The following PSG9 variants were observed in gnomAD, a reference collection of about 807,000 sequenced individuals.
The protein encoded by PSG9 is pregnancy-specific beta-1-glycoprotein 9.
In PSG9, 49 loss-of-function variants were observed where a neutral mutation model predicts 41.9. That is an observed-to-expected ratio of 1.17 (90% CI 0.93 to 1.48). PSG9 has a LOEUF of 1.48. PSG9 is among the 40% of genes most tolerant of loss of function. The probability of loss-of-function intolerance (pLI) is 0.00; values close to 1 mark genes in which losing one functional copy is unlikely to be tolerated. For synonymous variants in PSG9, 263 were observed against 196.8 expected (o/e 1.34, Z -2.82); for missense variants, 641 against 520.3 (o/e 1.23, Z -2.26).
chr19:43,266,151 T>G (rs1968956262), intron 2 of PSG9, among the ~76,000 whole-genome samples: 1 of 151,682 alleles, frequency 6.6e-6, no homozygotes, highest in Non-Finnish European at 1.5e-5. Flanking sequence ...AGACACTGAC[T>G]TCAGAGACCC....
Position 43,258,353 on chromosome 19 carries a change from A to C in PSG9, c.1092T>G (p.Tyr364Ter). The change falls in exon 5 of 6, where the codon TAT becomes TAG. Residue 364 changes from tyrosine to a stop codon, truncating the protein, a stop_gained. Coordinates refer to ENST00000270077, the MANE Select transcript of PSG9 (RefSeq NM_002784.5). LOFTEE classifies it high-confidence loss of function. Reference protein sequence around the residue: ...CFTESNPPAEYFWTINGKFQQ... With the variant: ...CFTESNPPAE ...GAAACTTCCCATTAATTGTCCAAAA[A>C]TACTCTGCCGGTGGGTTAGATTCCG... The C allele has an allele frequency of 3.8e-6, 6 of 1,592,976 alleles. No homozygotes were observed. The highest frequency in any genetic ancestry group is 5.1e-6 in the Non-Finnish European group (6 of 1,174,606).
intron 2 of PSG9, among the ~76,000 whole-genome samples, chr19:43,264,208 G>T (rs1968859098): frequency 6.6e-6 from 1 of 152,000 alleles, no homozygotes; most frequent in African/African-American, 2.4e-5. Context: ...AAAACCACCA[G>T]TATTCCCATT....
At chr19:43,266,733 G>A (rs150037800) in intron 2 of PSG9, among the ~76,000 whole-genome samples, 1 of 152,046 alleles carries the variant, frequency 6.6e-6, no homozygotes, top group Non-Finnish European at 1.5e-5. Flanking sequence ...ATGACTATGG[G>A]GTCCTTGGAA....
intron 3 of PSG9, among the ~76,000 whole-genome samples, chr19:43,261,609 A>G (rs893971615): frequency 6.6e-6 from 1 of 152,182 alleles, no homozygotes; most frequent in Admixed American, 6.5e-5. Flanking sequence ...CTGGAGCCTG[A>G]GACATTCACC....
intron 1 of PSG9, among the ~76,000 whole-genome samples, 176 bp from the exon 2 acceptor site, chr19:43,268,325 G>T (rs567140602): frequency 9.2e-5 from 14 of 152,158 alleles, no homozygotes; most frequent in African/African-American, 3.1e-4. Flanking sequence ...GTGTATGTGT[G>T]TGTGTCCTAC....
rs1220630877 is a variant in PSG9, at chr19:43,256,583, C to T, written c.1243+1619G>A. On this transcript the variant is annotated intron_variant, in intron 5 of 5. Transcript: ENST00000270077. ...TATACAAATATCCAATAAGCCCATGCAAAGTTCCTCAGCATCACGAATACC... is the reference window on the plus strand; with the variant it reads ...TATACAAATATCCAATAAGCCCATGTAAAGTTCCTCAGCATCACGAATACC... 1.4e-5 allele frequency among the ~76,000 whole-genome samples: 2 copies of T among 146,530 alleles called. 1 individual carries two copies. Among genetic ancestry groups the T allele is most frequent in the Non-Finnish European group, 3.0e-5 (2 of 67,354 alleles).
At chr19:43,258,117 A>T in intron 5 of PSG9, 85 bp downstream of exon 5, 1 of 1,590,586 alleles carries the variant, frequency 6.3e-7, no homozygotes, top group Non-Finnish European at 8.5e-7. Context: ...CAGGCTGGGA[A>T]TAAAAATGTT....
Position 43,261,972 on chromosome 19 carries a change from G to C in PSG9, c.597C>G (p.Asn199Lys), listed in dbSNP as rs765249465. 6.2e-7 allele frequency: 1 copy of C among 1,614,068 alleles called. No homozygotes were observed. The highest frequency in any genetic ancestry group is 8.5e-7 in the Non-Finnish European group (1 of 1,179,938). The change falls in exon 3 of 6, where the codon AAC (asparagine) becomes AAG (lysine). Residue 199 changes from asparagine (N) to lysine (K), a missense_variant. Transcript: ENST00000270077. Reference protein sequence around the residue: ...VTHRLQLSKTNRTLYLFGVTK... With the variant: ...VTHRLQLSKTKRTLYLFGVTK... Reference sequence around the variant, plus strand: ...TGACACCAAATAGATAGAGGGTCCTGTTGGTTTTGGACAGCTGCAACCTGT... The same window carrying C: ...TGACACCAAATAGATAGAGGGTCCTCTTGGTTTTGGACAGCTGCAACCTGT...
chr19:43,258,292 T>C lies in PSG9; in HGVS notation c.1153A>G (p.Thr385Ala). 1.3e-6 allele frequency: 2 copies of C among 1,592,652 alleles called. No homozygotes were observed. The highest frequency in any genetic ancestry group is 1.7e-6 in the Non-Finnish European group (2 of 1,174,438). Residue 385 changes from threonine (T) to alanine (A), a missense_variant, in exon 5 of 6, where the codon ACT (threonine) becomes GCT (alanine). Thr to Ala is a moderately conservative substitution (Grantham distance 58, BLOSUM62 0). Coordinates refer to ENST00000270077, the MANE Select transcript of PSG9 (RefSeq NM_002784.5). ...GCATAGAGCCCGCTATGATTTCTAG[T>C]AATTTGGGGGATAAAGAGCTTTTGT... is the stretch of plus-strand genomic sequence containing the variant. ...SGQKLFIPQI[T>A]RNHSGLYACS...
rs1968344170 is a variant in PSG9, at chr19:43,253,581, C to G, written c.*28G>C. The G allele has an allele frequency of 1.3e-6, 1 of 749,886 alleles. No homozygotes were observed. The highest frequency in any genetic ancestry group is 2.3e-6 in the Non-Finnish European group (1 of 428,612). The allele number at this position is 749,886 out of a possible 1,614,324, so 46.5% of individuals were successfully genotyped here. ...AATTTCATGAAGGTATCAGCCTGTT[C>G]TTTTTCTCAGTGTCTCAGTTGTTGC... On this transcript the variant is annotated 3_prime_UTR_variant, in exon 6 of 6. Coordinates refer to ENST00000270077, the MANE Select transcript of PSG9 (RefSeq NM_002784.5).
intron 5 of PSG9, among the ~76,000 whole-genome samples, chr19:43,254,706 G>C (rs574677880): frequency 2.1e-5 from 3 of 145,836 alleles, no homozygotes; most frequent in South Asian, 4.3e-4. Context: ...ACCAAAAGTT[G>C]ATTCTTCAAA....
intron 2 of PSG9, among the ~76,000 whole-genome samples, chr19:43,266,528 C>A (rs1465430731): frequency 6.6e-6 from 1 of 151,950 alleles, no homozygotes; most frequent in African/African-American, 2.4e-5. Context: ...GTGACATGGA[C>A]ACTTTGGGAA....
At chr19:43,253,762 G>T in intron 5 of PSG9, 116 bp from the exon 6 acceptor site, 1 of 637,822 alleles carries the variant, frequency 1.6e-6, no homozygotes. Flanking sequence ...GTTCTCTGAG[G>T]CTCTATTTAA....
At position 43,261,846 on chromosome 19, in the gene PSG9, C is replaced by T. The variant is rs752582349; in HGVS notation, c.709+14G>A. 3 of 1,614,068 alleles carry T rather than the reference C, an allele frequency of 1.9e-6. No homozygotes were observed. Among genetic ancestry groups the T allele is most frequent in the East Asian group, 4.5e-5 (2 of 44,876 alleles). Reference sequence around the variant, plus strand: ...GATGGCAGCCTGGCTCACAGAGGAACAGAAGATACTCACGGAGGAGATTCA... The same window carrying T: ...GATGGCAGCCTGGCTCACAGAGGAATAGAAGATACTCACGGAGGAGATTCA... On this transcript the variant is annotated intron_variant, in intron 3 of 5. Transcript: ENST00000270077.
At chr19:43,255,105 C>CA (rs35986995) in intron 5 of PSG9, among the ~76,000 whole-genome samples, 1,654 of 82,062 alleles carry the variant, frequency 0.02, 125 homozygotes, top group African/African-American at 0.071. Flanking sequence ...CTCTCTCTTC[C>CA]AAAAAAAAAA....
At chr19:43,268,881 A>C (rs922294642) in intron 1 of PSG9, among the ~76,000 whole-genome samples, 2 of 152,138 alleles carry the variant, frequency 1.3e-5, no homozygotes, top group Non-Finnish European at 2.9e-5. Flanking sequence ...TTAATCAGGA[A>C]AACAGAACAC....
rs781482779 is a variant in PSG9, at chr19:43,261,901, A to C, written c.668T>G (p.Val223Gly). The C allele has an allele frequency of 2.5e-6, 4 of 1,614,066 alleles. No homozygotes were observed. In the South Asian group the frequency reaches 3.3e-5, roughly 13 times the overall value. Residue 223 changes from valine to glycine, a missense_variant, in exon 3 of 6, where the codon GTG (valine) becomes GGG (glycine). By Grantham distance (109) the Val-to-Gly change is moderately radical. Transcript: ENST00000270077. ...GPYECEIRNP[V>G]SASRSDPVTL... ...GACTGGGTCACTGCGACTGGCACTC[A>C]CTGGGTTCCGTATTTCACATTCATA...
At position 43,264,281 on chromosome 19, in the gene PSG9, A is replaced by G. The variant is rs540277758; in HGVS notation, c.431-2143T>C. ...ACAAAATTTAAAAATTGCTATTGTC[A>G]AAACAAAATATTAAATATGAAGTTG... is the stretch of plus-strand genomic sequence containing the variant. On this transcript the variant is annotated intron_variant, in intron 2 of 5. Transcript: ENST00000270077. Among the ~76,000 whole-genome samples, 8 of 152,298 alleles carry G rather than the reference A, an allele frequency of 5.3e-5. 1 individual carries two copies. The highest frequency in any genetic ancestry group is 1.9e-4 in the African/African-American group (8 of 41,560).
chr19:43,258,267 G>T lies in PSG9; in HGVS notation c.1178C>A (p.Ala393Asp), dbSNP rs768389868. ...AGTGGCTGAGTTATGAACAGAGCAA[G>T]CATAGAGCCCGCTATGATTTCTAGT... Reference protein sequence around the residue: ...QITRNHSGLYACSVHNSATGK... With the variant: ...QITRNHSGLYDCSVHNSATGK... The change falls in exon 5 of 6, where the codon GCT becomes GAT. Residue 393 changes from alanine to aspartate, a missense_variant. Ala to Asp is a moderately radical substitution (Grantham distance 126). Transcript: ENST00000270077. The T allele has an allele frequency of 6.3e-7, 1 of 1,592,892 alleles. No individual in the cohort carries two copies. Among genetic ancestry groups the T allele is most frequent in the African/African-American group, 1.4e-5 (1 of 70,856 alleles).
Sources: allele counts gnomAD v4.1 joint callset (sites outside exome capture counted in the v4.1 genomes callset), GRCh38; gene constraint gnomAD v4.1.1; transcripts MANE v1.5; gene names NCBI Gene and HGNC (gene_info 2026-07-23, HGNC 2026-07-21).